PRKN: variants seen among roughly 807,000 people sequenced by gnomAD.
PRKN encodes the protein parkin RBR E3 ubiquitin protein ligase, also known as E3 ubiquitin-protein ligase parkin.
Under a neutral mutation model 59.5 loss-of-function variants are expected in PRKN, and 56 were observed. The observed-to-expected ratio is 0.94, with a 90% CI of 0.76 to 1.18. The LOEUF (loss-of-function observed/expected upper bound fraction) is 1.18. Ranked by LOEUF, PRKN falls within the 50% of genes most tolerant of loss-of-function variation. The pLI is 0.00. For missense variants in PRKN, 657 were observed against 596.4 expected (o/e 1.10, Z -1.06); for synonymous variants, 250 against 222.1 (o/e 1.13, Z -1.12).
intron 7 of PRKN, among the ~76,000 whole-genome samples, chr6:161,587,990 A>C (rs556416276): frequency 6.6e-6 from 1 of 152,306 alleles, no homozygotes; most frequent in South Asian, 2.1e-4. Flanking sequence ...TTCTGATTCA[A>C]AATTCAGAGT....
intron 7 of PRKN, among the ~76,000 whole-genome samples, chr6:161,617,479 G>A (rs949674091): frequency 1.7e-4 from 26 of 152,178 alleles, no homozygotes; most frequent in Admixed American, 1.3e-3. Context: ...TACTTGCTCC[G>A]TTATTAACAA....
chr6:161,612,167 G>T (rs1294823994), intron 7 of PRKN, among the ~76,000 whole-genome samples: 2 of 152,184 alleles, frequency 1.3e-5, no homozygotes, highest in African/African-American at 4.8e-5. Flanking sequence ...AGGTGAAGCA[G>T]CAAGTGCTGA....
chr6:161,550,057 G>A lies in PRKN; in HGVS notation c.934-1054C>T. 6.6e-6 allele frequency among the ~76,000 whole-genome samples: 1 copy of A among 152,236 alleles called. No homozygotes were observed. On this transcript the variant is annotated intron_variant, in intron 8 of 11. Coordinates refer to ENST00000366898, the MANE Select transcript of PRKN (RefSeq NM_004562.3). The surrounding 1 kb of genome is among the most constrained non-coding windows in gnomAD (Gnocchi z 4.0). ...ACAAAGCAGGTGTCTTTAAGCAAAT[G>A]TCTGAAGGAGATTAGAAATGCAAGT... is the stretch of plus-strand genomic sequence containing the variant.
rs73030487 is a variant in PRKN at position 162,051,369 on chromosome 6, T to C, written c.618+2722A>G. ...AGTGTAATGTGTGAAGAAGCTTCATTTGTCACCCGGAACTTCACAGGCTAA... is the reference window on the plus strand; with the variant it reads ...AGTGTAATGTGTGAAGAAGCTTCATCTGTCACCCGGAACTTCACAGGCTAA... On this transcript the variant is annotated intron_variant, in intron 5 of 11. Coordinates refer to ENST00000366898, the MANE Select transcript of PRKN (RefSeq NM_004562.3). 7.6e-3 allele frequency among the ~76,000 whole-genome samples: 1,155 copies of C among 152,224 alleles called. 14 individuals are homozygous for C. Among genetic ancestry groups the C allele is most frequent in the Non-Finnish European group, 9.4e-3 (641 of 68,010 alleles).
chr6:161,858,398 A>G (rs1793742938), intron 6 of PRKN, among the ~76,000 whole-genome samples: 1 of 152,156 alleles, frequency 6.6e-6, no homozygotes, highest in Non-Finnish European at 1.5e-5. Context: ...GATAGTACTG[A>G]TTTCAAAGTC....
At position 161,545,081 on chromosome 6, in the gene PRKN, G is replaced by A. The variant is rs556030323; in HGVS notation, c.1083+3773C>T. ...GCTCAACACATGGGTGTCTAGCTCC[G>A]AACAATTTTAAATCCCACAAATGAC... On this transcript the variant is annotated intron_variant, in intron 9 of 11. Transcript: ENST00000366898. This position sits in a 1 kb window ranked among gnomAD's most constrained non-coding sequence, Gnocchi z 4.1. The A allele has an allele frequency of 2.8e-5, 30 of 1,070,460 alleles. No individual in the cohort carries two copies. Among genetic ancestry groups the A allele is most frequent in the East Asian group, 4.9e-5 (1 of 20,208 alleles). The allele number at this position is 1,070,460 out of a possible 1,614,324, so 66.3% of individuals were successfully genotyped here. A position where few individuals can be genotyped will look rare whatever the true frequency, so the allele number is the denominator to read the frequency against.
chr6:162,717,184 G>C (rs537752478), intron 1 of PRKN, among the ~76,000 whole-genome samples: 2 of 152,268 alleles, frequency 1.3e-5, no homozygotes, highest in African/African-American at 4.8e-5. Context: ...CAGGAGCCAA[G>C]GAATGCCAGC....
At chr6:161,775,816 A>C (rs1055550943) in intron 7 of PRKN, among the ~76,000 whole-genome samples, 1 of 152,174 alleles carries the variant, frequency 6.6e-6, no homozygotes, top group African/African-American at 2.4e-5. Flanking sequence ...TCTGTATCTA[A>C]ACAGGATCAG....
chr6:162,069,345 T>G (rs1020589563), intron 4 of PRKN, among the ~76,000 whole-genome samples: 1 of 152,178 alleles, frequency 6.6e-6, no homozygotes, highest in Non-Finnish European at 1.5e-5. Context: ...GCCTCCCCAG[T>G]CATGTGGAAC....
chr6:162,042,492 T>C (rs1784104990), intron 5 of PRKN, among the ~76,000 whole-genome samples: 1 of 152,094 alleles, frequency 6.6e-6, no homozygotes, highest in Admixed American at 6.6e-5. Flanking sequence ...TCTCATAATG[T>C]TGCCTAGGCT....
At chr6:161,415,621 C>A (rs1227487094) in intron 9 of PRKN, among the ~76,000 whole-genome samples, 3 of 144,372 alleles carry the variant, frequency 2.1e-5, no homozygotes, top group African/African-American at 7.6e-5. Context: ...CCCCCGCCAG[C>A]CCCCGACCGC....
Position 162,069,868 on chromosome 6 carries a change from A to T in PRKN, c.535-15694T>A, listed in dbSNP as rs145214021. 2.3e-4 allele frequency among the ~76,000 whole-genome samples: 35 copies of T among 152,274 alleles called. No individual in the cohort carries two copies. The East Asian group carries it at 6.7e-3, about 29-fold the overall frequency. ...TTTGATATTATATGAATAATGAAAA[A>T]TCCCTCATTTGAAAAAACTTTATAT... On this transcript the variant is annotated intron_variant, in intron 4 of 11. Transcript: ENST00000366898.
intron 2 of PRKN, among the ~76,000 whole-genome samples, chr6:162,321,383 T>A (rs1398098216): frequency 6.6e-6 from 1 of 151,922 alleles, no homozygotes; most frequent in African/African-American, 2.4e-5. Context: ...TGATACTGCA[T>A]TAAAAAACCT....
intron 5 of PRKN, among the ~76,000 whole-genome samples, chr6:162,021,111 AAC>A (rs1491180718): frequency 2.0e-4 from 19 of 92,800 alleles, no homozygotes; most frequent in Non-Finnish European, 2.7e-4. Context: ...TCAAAAAAAA[AAC>A]AAAAACATAT....
chr6:162,131,936 G>A (rs751889216), intron 4 of PRKN, among the ~76,000 whole-genome samples: 2 of 152,186 alleles, frequency 1.3e-5, no homozygotes, highest in African/African-American at 2.4e-5. Context: ...AGGACATCAC[G>A]GGCTGGGCAT....
At chr6:162,349,612 C>T (rs1784541903) in intron 2 of PRKN, among the ~76,000 whole-genome samples, 1 of 152,142 alleles carries the variant, frequency 6.6e-6, no homozygotes, top group South Asian at 2.1e-4. Context: ...AAATTCAACA[C>T]TGTATTTTAA....
At position 161,917,918 on chromosome 6, in the gene PRKN, T is replaced by C. The variant is rs192411918; in HGVS notation, c.734+55384A>G. The stretch of plus-strand genomic sequence containing the variant: ...CTTGGAAGAAAGGGGAATAAAATTA[T>C]AGGGCAGAATGACCTATCATATTTC... On this transcript the variant is annotated intron_variant, in intron 6 of 11. Coordinates refer to ENST00000366898, the MANE Select transcript of PRKN (RefSeq NM_004562.3). Among the ~76,000 whole-genome samples the C allele has an allele frequency of 8.5e-5, 13 of 152,332 alleles. No homozygotes were observed. In the East Asian group the frequency reaches 2.5e-3, roughly 29 times the overall value.
intron 6 of PRKN, among the ~76,000 whole-genome samples, chr6:161,850,621 A>C (rs1793393874): frequency 6.6e-6 from 1 of 151,970 alleles, no homozygotes; most frequent in Non-Finnish European, 1.5e-5. Context: ...AAATATCTAA[A>C]AGTTTTTTTC....
chr6:161,930,219 G>A (rs1009011614), intron 6 of PRKN, among the ~76,000 whole-genome samples: 1 of 152,078 alleles, frequency 6.6e-6, no homozygotes, highest in Non-Finnish European at 1.5e-5. Context: ...CAGGCCAGAT[G>A]GATGAATGAT....
Sources: gnomAD v4.1 joint callset for allele counts (sites outside exome capture counted in the v4.1 genomes callset) on GRCh38, gnomAD v4.1.1 for gene constraint, Gnocchi (gnomAD v3.1) non-coding constraint, MANE v1.5 for transcripts, NCBI Gene and HGNC (gene_info 2026-07-23, HGNC 2026-07-21) for gene names.